ZNF366: variants seen among roughly 807,000 people sequenced by gnomAD.
The protein encoded by ZNF366 is dendritic cell-specific transcript protein.
A neutral mutation model predicts 47.2 loss-of-function variants in ZNF366; 20 were observed. The observed-to-expected ratio is 0.42, with a 90% confidence interval of 0.30 to 0.62. ZNF366 has a LOEUF of 0.62. Among genes scored for constraint, ZNF366 ranks in the 20% least tolerant of loss-of-function variants. ZNF366 has a pLI of 0.16. For missense variants in ZNF366, 987 were observed against 976.3 expected, an observed-to-expected ratio of 1.01 and a Z score of -0.15; for synonymous variants, 421 against 395.1, an observed-to-expected ratio of 1.07 and a Z score of -0.78.
intron 3 of ZNF366, among the ~76,000 whole-genome samples, chr5:72,451,978 C>T (rs1743081848): frequency 6.6e-6 from 1 of 152,222 alleles, no homozygotes; most frequent in South Asian, 2.1e-4. Context: ...GCCATGCTGA[C>T]AGCCATGGAG....
At chr5:72,495,674 GCGA>G (rs1744098525) in intron 1 of ZNF366, among the ~76,000 whole-genome samples, 1 of 152,192 alleles carries the variant, frequency 6.6e-6, no homozygotes, top group African/African-American at 2.4e-5. Flanking sequence ...ATGTCGGCAG[GCGA>G]GAGATGCTCA....
chr5:72,442,686 C>T lies in ZNF366; in HGVS notation c.*1070G>A, dbSNP rs1250608059. ...TTTTTTTTTTTTTGAGGCAGAGTCT[C>T]ACTCTGTCACCCAGGCTGTAGTGCA... On this transcript the variant is annotated 3_prime_UTR_variant, in exon 5 of 5. Coordinates refer to ENST00000318442, the MANE Select transcript of ZNF366 (RefSeq NM_152625.3). 2.1e-5 allele frequency: 3 copies of T among 145,722 alleles called. No homozygotes were observed. Among genetic ancestry groups the T allele is most frequent in the Non-Finnish European group, 3.0e-5 (2 of 67,230 alleles). 9.0% of individuals were successfully genotyped at this position (145,722 alleles called of 1,614,324 possible). A position where few individuals can be genotyped will look rare whatever the true frequency, so the allele number is the denominator to read the frequency against.
intron 1 of ZNF366, among the ~76,000 whole-genome samples, chr5:72,477,710 G>A (rs926389408): frequency 6.6e-6 from 1 of 152,048 alleles, no homozygotes; most frequent in African/African-American, 2.4e-5. Flanking sequence ...ACTTATCTAC[G>A]GTCACATAAC....
chr5:72,449,055 G>C (rs1743011819), intron 3 of ZNF366, among the ~76,000 whole-genome samples: 1 of 152,136 alleles, frequency 6.6e-6, no homozygotes, highest in African/African-American at 2.4e-5. Context: ...GAGGGGAAAA[G>C]GATGACAGAA....
intron 1 of ZNF366, among the ~76,000 whole-genome samples, chr5:72,483,784 G>A (rs1743834035): frequency 6.6e-6 from 1 of 152,136 alleles, no homozygotes; most frequent in African/African-American, 2.4e-5. Flanking sequence ...TGGGAATGAT[G>A]GGCCTGGGGC....
chr5:72,476,324 G>A (rs1255221570), intron 1 of ZNF366, among the ~76,000 whole-genome samples: 1 of 152,098 alleles, frequency 6.6e-6, no homozygotes, highest in African/African-American at 2.4e-5. Context: ...TGGGAGTCAG[G>A]CATCGATGTT....
At chr5:72,445,861 G>A (rs1328394442) in intron 4 of ZNF366, among the ~76,000 whole-genome samples, 2 of 152,156 alleles carry the variant, frequency 1.3e-5, no homozygotes, top group African/African-American at 4.8e-5. Context: ...AATTGTTTTT[G>A]TTTTAACTAC....
chr5:72,451,376 C>T (rs148922097), intron 3 of ZNF366, among the ~76,000 whole-genome samples: 10 of 152,174 alleles, frequency 6.6e-5, no homozygotes, highest in African/African-American at 1.7e-4. Context: ...GCCCTTTAAA[C>T]GTGGGTTGCA....
At chr5:72,469,245 T>C (rs961772758) in intron 1 of ZNF366, among the ~76,000 whole-genome samples, 1 of 152,058 alleles carries the variant, frequency 6.6e-6, no homozygotes, top group African/African-American at 2.4e-5. Context: ...TGGGGAGAGG[T>C]TGATAGAAAT....
chr5:72,477,804 G>A (rs761311109), intron 1 of ZNF366, among the ~76,000 whole-genome samples: 16 of 152,046 alleles, frequency 1.1e-4, no homozygotes, highest in Non-Finnish European at 2.2e-4. Flanking sequence ...CCTGTCAGTG[G>A]CAATGAAAGC....
At chr5:72,506,861 C>A (rs1744329088) in intron 1 of ZNF366, among the ~76,000 whole-genome samples, 2 of 152,114 alleles carry the variant, frequency 1.3e-5, no homozygotes, top group Admixed American at 1.3e-4. Flanking sequence ...AACAAAAACC[C>A]CAGAGCAAAC....
intron 1 of ZNF366, among the ~76,000 whole-genome samples, chr5:72,506,353 C>T (rs1234097036): frequency 6.6e-6 from 1 of 152,186 alleles, no homozygotes; most frequent in Non-Finnish European, 1.5e-5. Flanking sequence ...GTGCTGGTAA[C>T]ATTATCCTTT....
chr5:72,445,365 G>C (rs1412020959), intron 4 of ZNF366, among the ~76,000 whole-genome samples: 1 of 42,354 alleles, frequency 2.4e-5, no homozygotes, highest in Non-Finnish European at 6.0e-5. Context: ...CTTCTGGGAG[G>C]GGGTGAAAAA....
In ZNF366 at chr5:72,442,348, G is replaced by C. The variant is rs1424037841; in HGVS notation, c.*1408C>G. On this transcript the variant is annotated 3_prime_UTR_variant, in exon 5 of 5. Transcript: ENST00000318442. ...CTTGGCTGCACATAAGAATTGCCAG[G>C]AGCAATTTGGAAAATTTCAGTCCTA... The C allele has an allele frequency of 1.3e-5, 2 of 152,104 alleles. No individual in the cohort carries two copies. Among genetic ancestry groups the C allele is most frequent in the African/African-American group, 4.8e-5 (2 of 41,408 alleles). 9.4% of individuals were successfully genotyped at this position (152,104 alleles called of 1,614,324 possible). A position where few individuals can be genotyped will look rare whatever the true frequency, so the allele number is the denominator to read the frequency against.
chr5:72,494,682 A>T (rs1744077367), intron 1 of ZNF366, among the ~76,000 whole-genome samples: 1 of 150,850 alleles, frequency 6.6e-6, no homozygotes, highest in African/African-American at 2.4e-5. Context: ...GGATTCACAG[A>T]TAATTGTCTG....
chr5:72,494,721 T>C (rs185489010), intron 1 of ZNF366, among the ~76,000 whole-genome samples: 54 of 152,070 alleles, frequency 3.6e-4, no homozygotes, highest in African/African-American at 1.3e-3. Flanking sequence ...GCTTCTGCAC[T>C]GAGACTGAAG....
chr5:72,502,985 C>T (rs981264311), intron 1 of ZNF366, among the ~76,000 whole-genome samples: 3 of 151,968 alleles, frequency 2.0e-5, no homozygotes, highest in Non-Finnish European at 2.9e-5. Flanking sequence ...ATTAGCCAGG[C>T]GTGGTGGCGG....
At chr5:72,454,552 A>G (rs1257358987) in intron 3 of ZNF366, among the ~76,000 whole-genome samples, 2 of 152,186 alleles carry the variant, frequency 1.3e-5, no homozygotes, top group Non-Finnish European at 2.9e-5. Context: ...GATGAGGTGG[A>G]GGTAGGAGAT....
At chr5:72,462,507 TTTTCTTTCTTTCTTTCTTTC>T (rs765498463) in intron 1 of ZNF366, among the ~76,000 whole-genome samples, 1 of 82,462 alleles carries the variant, frequency 1.2e-5, no homozygotes, top group Non-Finnish European at 2.2e-5. Flanking sequence ...TCCTTGCCAG[TTTTCTTTCTTTCTTTCTTTC>T]TTTCTTTCTT....
Sources: gnomAD v4.1 joint callset for allele counts (sites outside exome capture counted in the v4.1 genomes callset) on GRCh38, gnomAD v4.1.1 for gene constraint, MANE v1.5 for transcripts, NCBI Gene and HGNC (gene_info 2026-07-23, HGNC 2026-07-21) for gene names.